The following USP47 variants were observed in gnomAD, a reference collection of about 807,000 sequenced individuals.
USP47 encodes the protein ubiquitin specific peptidase 47, also known as ubiquitin carboxyl-terminal hydrolase 47.
A neutral mutation model predicts 165.1 loss-of-function variants in USP47; 35 were observed. The observed-to-expected ratio is 0.21, with a 90% confidence interval of 0.16 to 0.28. USP47 has a LOEUF of 0.28. Among genes scored for constraint, USP47 ranks in the 10% least tolerant of loss-of-function variants. The pLI is 1.00. For missense variants in USP47, 1,277 were observed against 1,607.4 expected (o/e 0.79, Z 3.52); for synonymous variants, 531 against 544.5 (o/e 0.98, Z 0.35).
intron 1 of USP47, among the ~76,000 whole-genome samples, chr11:11,866,102 A>G: frequency 6.6e-6 from 1 of 152,048 alleles, no homozygotes; most frequent in Non-Finnish European, 1.5e-5. Flanking sequence ...GTGTCATGAA[A>G]CTTTTTCCCT....
Position 11,890,390 on chromosome 11 carries a change from G to T in USP47, c.358-1578G>T, listed in dbSNP as rs544576166. Among the ~76,000 whole-genome samples, 13 of 152,114 alleles carry T rather than the reference G, an allele frequency of 8.5e-5. No individual in the cohort carries two copies. In the South Asian group the frequency reaches 2.5e-3, roughly 29 times the overall value. On this transcript the variant is annotated intron_variant, in intron 3 of 27. Coordinates refer to ENST00000527733, the MANE Select transcript of USP47 (RefSeq NM_001282659.2). Reference sequence around the variant, plus strand: ...CATTAAAAAGTAGGCAAAGGGCATGGACAGACATTTCTCAAAAGAAGGTAT... The same window carrying T: ...CATTAAAAAGTAGGCAAAGGGCATGTACAGACATTTCTCAAAAGAAGGTAT...
intron 23 of USP47, 101 bp from the exon 24 acceptor site, chr11:11,950,263 A>G (rs1856130014): frequency 6.0e-6 from 5 of 829,180 alleles, no homozygotes; most frequent in Non-Finnish European, 7.4e-6. Context: ...TGACTTTTGT[A>G]TTTGAACATA....
Position 11,880,359 on chromosome 11 carries a change from T to G in USP47, c.222T>G (p.Asn74Lys). ...INGTFDLVWG[N>K]GINTADMAPL... ...GAACCTTTGACTTGGTGTGGGGAAA[T>G]GGAATCAATACTGCTGATATGGTAA... Residue 74 changes from asparagine to lysine, a missense_variant, in exon 2 of 28, where the codon AAT becomes AAG. By Grantham distance (94) the Asn-to-Lys change is moderately conservative (BLOSUM62 0). This residue lies in a region of USP47 where 181 missense variants were observed against 194.7 expected (regional missense o/e 0.93). Transcript: ENST00000527733. 1 of 1,347,202 alleles carries G rather than the reference T, an allele frequency of 7.4e-7. No individual in the cohort carries two copies. The highest frequency in any genetic ancestry group is 9.5e-7 in the Non-Finnish European group (1 of 1,054,424). 83.5% of individuals were successfully genotyped at this position (1,347,202 alleles called of 1,614,324 possible). A position where few individuals can be genotyped will look rare whatever the true frequency, so the allele number is the denominator to read the frequency against.
chr11:11,865,269 C>T (rs1231432885), intron 1 of USP47, among the ~76,000 whole-genome samples: 2 of 152,184 alleles, frequency 1.3e-5, no homozygotes, highest in Admixed American at 1.3e-4. Flanking sequence ...TCCTTTTCTT[C>T]CCAGTTCTGA....
chr11:11,860,513 G>C (rs1849319562), intron 1 of USP47, among the ~76,000 whole-genome samples: 1 of 152,140 alleles, frequency 6.6e-6, no homozygotes, highest in South Asian at 2.1e-4. Context: ...TTTCATGTTT[G>C]AAGTATTAAA....
intron 16 of USP47, 56 bp from the exon 17 acceptor site, chr11:11,936,247 T>C: frequency 1.1e-6 from 1 of 869,592 alleles, no homozygotes; most frequent in African/African-American, 1.8e-5. Context: ...TATATGTATA[T>C]ATATAAATAT....
intron 8 of USP47, among the ~76,000 whole-genome samples, chr11:11,912,710 G>A (rs1433018847): frequency 6.6e-6 from 1 of 151,898 alleles, no homozygotes. Context: ...ATTAAACCAA[G>A]ACAGTTCTTA....
chr11:11,902,251 T>G (rs1159164337), intron 5 of USP47, among the ~76,000 whole-genome samples: 1 of 152,188 alleles, frequency 6.6e-6, no homozygotes, highest in Non-Finnish European at 1.5e-5. Context: ...ATAATCCTCT[T>G]TCATCTTTTT....
In USP47 at chr11:11,929,381, A is replaced by G. The variant is rs1854487134; in HGVS notation, c.1387-53A>G. ...TTAACAGAGAATAGGAAATACACAAATAAGGGTTGTGTTTTCCTTCTCCTC... is the reference window on the plus strand; with the variant it reads ...TTAACAGAGAATAGGAAATACACAAGTAAGGGTTGTGTTTTCCTTCTCCTC... On this transcript the variant is annotated intron_variant, in intron 11 of 27. Transcript: ENST00000527733. The G allele has an allele frequency of 2.5e-6, 4 of 1,589,902 alleles. No homozygotes were observed. In the South Asian group the frequency reaches 4.6e-5, roughly 18 times the overall value.
chr11:11,842,178 A>G lies in USP47; in HGVS notation c.-8A>G. On this transcript the variant is annotated 5_prime_UTR_variant, in exon 1 of 28. Transcript: ENST00000527733. The stretch of plus-strand genomic sequence containing the variant: ...CGGCAGGGCGGAGAGGAGCGGCCGG[A>G]GTCAGCGATGGTGCCCGGCGAGGAG... 6.4e-7 allele frequency: 1 copy of G among 1,552,962 alleles called. No individual in the cohort carries two copies. Among genetic ancestry groups the G allele is most frequent in the Non-Finnish European group, 8.7e-7 (1 of 1,147,338 alleles).
chr11:11,871,188 C>G (rs1850014210), intron 1 of USP47, among the ~76,000 whole-genome samples: 1 of 151,936 alleles, frequency 6.6e-6, no homozygotes, highest in Non-Finnish European at 1.5e-5. Context: ...ATGCCCTGTG[C>G]ATTATGAGAT....
intron 17 of USP47, among the ~76,000 whole-genome samples, chr11:11,937,347 T>TA (rs538278457): frequency 8.3e-4 from 126 of 152,070 alleles, no homozygotes; most frequent in African/African-American, 3.0e-3. Context: ...AAGTTGAACT[T>TA]ACAAAACTTT....
At position 11,955,059 on chromosome 11, in the gene USP47, T is replaced by G; in HGVS notation, c.3788T>G (p.Ile1263Ser). Reference protein sequence around the residue: ...AKGRGTFPCDISVLDIHQDLD... With the variant: ...AKGRGTFPCDSSVLDIHQDLD... ...GGTAGAGGAACATTTCCCTGTGATA[T>G]TTCTGTCCTTGATATTCATCAGGAT... Residue 1263 changes from isoleucine to serine, a missense_variant, in exon 27 of 28, where the codon ATT (isoleucine) becomes AGT (serine). Physicochemically the swap from Ile to Ser is moderately radical, Grantham distance 142. Coordinates refer to ENST00000527733, the MANE Select transcript of USP47 (RefSeq NM_001282659.2). 6.2e-7 allele frequency: 1 copy of G among 1,613,740 alleles called. No homozygotes were observed. Among genetic ancestry groups the G allele is most frequent in the Non-Finnish European group, 8.5e-7 (1 of 1,179,890 alleles).
Position 11,902,746 on chromosome 11 carries a change from G to A in USP47, c.625G>A (p.Val209Met). 6.3e-7 allele frequency: 1 copy of A among 1,581,650 alleles called. No individual in the cohort carries two copies. The highest frequency in any genetic ancestry group is 8.6e-7 in the Non-Finnish European group (1 of 1,163,768). Residue 209 changes from valine (V) to methionine (M), a missense_variant, in exon 6 of 28, where the codon GTG (valine) becomes ATG (methionine). By Grantham distance (21) the Val-to-Met change is conservative. Around this residue, in one of 4 missense-constraint regions of USP47, gnomAD observed 175 missense variants for 295.8 expected, o/e 0.59. Coordinates refer to ENST00000527733, the MANE Select transcript of USP47 (RefSeq NM_001282659.2). ...WEFEESEEDP[V>M]TSIPYQLQRL... is the part of the protein sequence containing the mutation. ...ATTTGAAGAATCTGAAGAAGATCCA[G>A]TGACAAGTATTCCATACCAACTTCA... is the stretch of plus-strand genomic sequence containing the variant.
At chr11:11,842,378 C>A (rs1236298434) in intron 1 of USP47, among the ~76,000 whole-genome samples, 154 bp downstream of exon 1, 1 of 152,012 alleles carries the variant, frequency 6.6e-6, no homozygotes, top group Non-Finnish European at 1.5e-5. Context: ...ACGGTGGGTG[C>A]GGCGAGCAGT....
intron 11 of USP47, among the ~76,000 whole-genome samples, chr11:11,928,272 A>G (rs192178915): frequency 1.3e-5 from 2 of 152,158 alleles, no homozygotes; most frequent in Admixed American, 1.3e-4. Flanking sequence ...AAGTTGTTCA[A>G]TGCTTTAAAC....
intron 11 of USP47, among the ~76,000 whole-genome samples, chr11:11,924,659 G>T (rs1025358522): frequency 3.3e-5 from 5 of 152,120 alleles, no homozygotes; most frequent in African/African-American, 1.2e-4. Context: ...CAGGTTACCT[G>T]TTTCTCCTTT....
chr11:11,911,275 G>T (rs1409261031), intron 8 of USP47, among the ~76,000 whole-genome samples: 1 of 152,120 alleles, frequency 6.6e-6, no homozygotes, highest in Non-Finnish European at 1.5e-5. Flanking sequence ...AATACTGGAA[G>T]GAGAGCAAAG....
intron 3 of USP47, among the ~76,000 whole-genome samples, chr11:11,886,883 C>G (rs779575352): frequency 1.1e-4 from 16 of 152,104 alleles, no homozygotes; most frequent in Non-Finnish European, 1.8e-4. Context: ...CAGTAGACCT[C>G]TCAGTGGAAA....
Sources: allele counts gnomAD v4.1 joint callset (sites outside exome capture counted in the v4.1 genomes callset), GRCh38; gene constraint gnomAD v4.1.1; regional missense constraint gnomAD v4.1.1; transcripts MANE v1.5; gene names NCBI Gene and HGNC (gene_info 2026-07-23, HGNC 2026-07-21).